AGBL1: variants seen among roughly 807,000 people sequenced by gnomAD.
AGBL1 encodes AGBL carboxypeptidase 1.
Under a neutral mutation model 118.9 loss-of-function variants are expected in AGBL1, and 130 were observed. The ratio of observed to expected loss-of-function variants is 1.09; its 90% confidence interval spans 0.95 to 1.26. AGBL1 has a LOEUF of 1.26. AGBL1 is among the 50% of genes most tolerant of loss of function. The pLI, the probability that AGBL1 is intolerant of heterozygous loss-of-function variation, is 0.00. For missense variants in AGBL1, 1,584 were observed against 1,298.1 expected (o/e 1.22, Z -3.38); for synonymous variants, 555 against 478.9 (o/e 1.16, Z -2.08).
intron 6 of AGBL1, among the ~76,000 whole-genome samples, chr15:86,226,376 A>G (rs910061042): frequency 6.6e-6 from 1 of 152,116 alleles, no homozygotes; most frequent in Non-Finnish European, 1.5e-5. Flanking sequence ...ATGCCTTGGG[A>G]AAGAAGCTAT....
At chr15:86,568,316 G>A (rs1441207698) in intron 21 of AGBL1, among the ~76,000 whole-genome samples, 1 of 152,068 alleles carries the variant, frequency 6.6e-6, no homozygotes, top group African/African-American at 2.4e-5. Context: ...GAGAATACCT[G>A]TATTTCTAAA....
At chr15:86,873,253 T>C (rs569943446) in intron 22 of AGBL1, among the ~76,000 whole-genome samples, 1 of 152,254 alleles carries the variant, frequency 6.6e-6, no homozygotes, top group Admixed American at 6.5e-5. Context: ...GGCATGTTGG[T>C]TTTTCCTATT....
At chr15:86,289,648 T>C (rs1434514866) in intron 16 of AGBL1, among the ~76,000 whole-genome samples, 2 of 152,168 alleles carry the variant, frequency 1.3e-5, no homozygotes, top group Admixed American at 6.5e-5. Context: ...TGGCTCATGG[T>C]ACCTCCCTCC....
chr15:86,467,444 G>A (rs892117678), intron 18 of AGBL1, among the ~76,000 whole-genome samples: 8 of 152,148 alleles, frequency 5.3e-5, no homozygotes, highest in Non-Finnish European at 1.0e-4. Context: ...AGACCATTTG[G>A]CTTGCTGACT....
chr15:86,497,631 A>G (rs912624748), intron 18 of AGBL1, among the ~76,000 whole-genome samples: 1 of 151,698 alleles, frequency 6.6e-6, no homozygotes, highest in Non-Finnish European at 1.5e-5. Flanking sequence ...TAAATCTCCC[A>G]TTTTCTGAAC....
intron 17 of AGBL1, among the ~76,000 whole-genome samples, chr15:86,326,269 C>T (rs2080181284): frequency 6.6e-6 from 1 of 152,088 alleles, no homozygotes; most frequent in Non-Finnish European, 1.5e-5. Flanking sequence ...TTTCCTGCCT[C>T]CTTATGAAAC....
At chr15:86,111,145 T>C (rs1267671406) in intron 1 of AGBL1, among the ~76,000 whole-genome samples, 1 of 152,332 alleles carries the variant, frequency 6.6e-6, no homozygotes, top group South Asian at 2.1e-4. Flanking sequence ...GTCCTGAGCG[T>C]CTCCTGTTTT....
At position 87,023,191 on chromosome 15, in the gene AGBL1, A is replaced by G. The variant is rs565564674; in HGVS notation, c.3324-5634A>G. Among the ~76,000 whole-genome samples the G allele has an allele frequency of 2.6e-5, 4 of 152,222 alleles. No individual in the cohort carries two copies. The East Asian group carries it at 7.7e-4, about 29-fold the overall frequency. ...CTACTTAAAGATACAGAATTGCAGA[A>G]TGAATAAGAATTCACCAATGAACTA... On this transcript the variant is annotated intron_variant, in intron 24 of 24. Transcript: ENST00000441037.
chr15:86,290,465 C>G (rs988430200), intron 16 of AGBL1, among the ~76,000 whole-genome samples: 3 of 151,252 alleles, frequency 2.0e-5, no homozygotes, highest in African/African-American at 7.3e-5. Context: ...ATCCTCCCAC[C>G]TCAGCCTCCC....
At chr15:86,936,653 A>T (rs2080679580) in intron 23 of AGBL1, among the ~76,000 whole-genome samples, 1 of 152,260 alleles carries the variant, frequency 6.6e-6, no homozygotes, top group African/African-American at 2.4e-5. Context: ...AAATCAACAC[A>T]AGATGAATTA....
chr15:86,467,257 G>C (rs1210544559), intron 18 of AGBL1, among the ~76,000 whole-genome samples: 1 of 152,192 alleles, frequency 6.6e-6, no homozygotes, highest in Non-Finnish European at 1.5e-5. Flanking sequence ...CTTCCTGATG[G>C]CTTTGTTTAC....
At position 86,701,484 on chromosome 15, in the gene AGBL1, A is replaced by C. The variant is rs983968328; in HGVS notation, c.3158+27048A>C. On this transcript the variant is annotated intron_variant, in intron 22 of 22. Transcript: ENST00000614907. ...TGTGCACAAAGATATACATCATCAG[A>C]ATTGTGGGTAAATCAAGATTAAATT... 1.6e-4 allele frequency among the ~76,000 whole-genome samples: 24 copies of C among 152,258 alleles called. No individual in the cohort carries two copies. The South Asian group carries it at 1.7e-3, about 11-fold the overall frequency.
At chr15:86,989,935 G>A (rs977147928) in intron 24 of AGBL1, among the ~76,000 whole-genome samples, 1 of 152,210 alleles carries the variant, frequency 6.6e-6, no homozygotes, top group Non-Finnish European at 1.5e-5. Flanking sequence ...GCAAGTAACA[G>A]TGTGAGTGGG....
At chr15:86,394,981 G>C (rs1178050664) in intron 17 of AGBL1, among the ~76,000 whole-genome samples, 1 of 152,110 alleles carries the variant, frequency 6.6e-6, no homozygotes, top group Non-Finnish European at 1.5e-5. Flanking sequence ...AGAAAGAAAG[G>C]GAGAAAGGCT....
chr15:86,120,183 T>G (rs1392591145), intron 1 of AGBL1, among the ~76,000 whole-genome samples: 1 of 152,194 alleles, frequency 6.6e-6, no homozygotes, highest in African/African-American at 2.4e-5. Context: ...TTCTCCTGCA[T>G]GTACTTGGGG....
At chr15:86,211,236 A>T (rs940894159) in intron 5 of AGBL1, among the ~76,000 whole-genome samples, 1 of 152,132 alleles carries the variant, frequency 6.6e-6, no homozygotes, top group African/African-American at 2.4e-5. Context: ...ACCCACCTAT[A>T]TGAGGTGTCA....
intron 17 of AGBL1, among the ~76,000 whole-genome samples, chr15:86,315,450 C>A (rs1219987753): frequency 1.3e-5 from 2 of 152,120 alleles, no homozygotes; most frequent in African/African-American, 4.8e-5. Flanking sequence ...GGCGCAGTGG[C>A]TCACACTGGT....
chr15:86,181,163 A>G (rs896223903), intron 5 of AGBL1, among the ~76,000 whole-genome samples: 6 of 152,092 alleles, frequency 3.9e-5, no homozygotes, highest in Non-Finnish European at 8.8e-5. Context: ...TCTTCTGGGT[A>G]TTCATTTACA....
At chr15:86,793,695 G>A (rs909670855) in intron 22 of AGBL1, among the ~76,000 whole-genome samples, 1 of 152,090 alleles carries the variant, frequency 6.6e-6, no homozygotes, top group Non-Finnish European at 1.5e-5. Context: ...CAAAATGGAA[G>A]AAAATATTTG....
Sources: gnomAD v4.1 joint callset for allele counts (sites outside exome capture counted in the v4.1 genomes callset) on GRCh38, gnomAD v4.1.1 for gene constraint, MANE v1.5 for transcripts, NCBI Gene and HGNC (gene_info 2026-07-23, HGNC 2026-07-21) for gene names.